Variants in SPAG16 observed in about 807,000 individuals in gnomAD.
SPAG16 encodes sperm-associated antigen 16 protein.
A neutral mutation model predicts 80.4 loss-of-function variants in SPAG16; 86 were observed. The ratio of observed to expected loss-of-function variants is 1.07; its 90% CI spans 0.90 to 1.28. The LOEUF (loss-of-function observed/expected upper bound fraction) is 1.28, where lower values mean the gene tolerates loss of function less well. Among genes scored for constraint, SPAG16 ranks in the 50% most tolerant of loss-of-function variants. The pLI is 0.00. For synonymous variants in SPAG16, 294 were observed against 265.9 expected, an observed-to-expected ratio of 1.11 and a Z score of -1.03; for missense variants, 870 against 765.3, an observed-to-expected ratio of 1.14 and a Z score of -1.61.
intron 15 of SPAG16, among the ~76,000 whole-genome samples, chr2:214,224,575 C>T (rs2058657331): frequency 3.3e-5 from 5 of 152,108 alleles, no homozygotes; most frequent in Admixed American, 3.3e-4. Flanking sequence ...GAAGGAGTTG[C>T]AGACTAAGGG....
Position 214,236,882 on chromosome 2 carries a change from ATGCAATTTTCCTTAGGAAAAC to A in SPAG16, c.1720+87621_1720+87641del, listed in dbSNP as rs574596191. Reference sequence around the variant, plus strand: ...GGCAAAGCTGAGAGTGACAGAGTTTATGCAATTTTCCTTAGGAAAACTGCATGATATCTATTTTGAATCCTC... The same window carrying A: ...GGCAAAGCTGAGAGTGACAGAGTTTATGCATGATATCTATTTTGAATCCTC... On this transcript the variant is annotated intron_variant, in intron 15 of 15. Coordinates refer to ENST00000331683, the MANE Select transcript of SPAG16 (RefSeq NM_024532.5). Among the ~76,000 whole-genome samples the A allele has an allele frequency of 2.3e-4, 35 of 152,300 alleles. 1 individual carries two copies. In the South Asian group the frequency reaches 3.5e-3, roughly 15 times the overall value.
intron 15 of SPAG16, among the ~76,000 whole-genome samples, chr2:214,178,070 T>A (rs1221365916): frequency 1.4e-5 from 2 of 144,022 alleles, no homozygotes; most frequent in African/African-American, 5.1e-5. Flanking sequence ...ATATATATTT[T>A]CAAATACATT....
intron 10 of SPAG16, among the ~76,000 whole-genome samples, chr2:213,749,476 T>C (rs2067985867): frequency 6.6e-6 from 1 of 152,156 alleles, no homozygotes; most frequent in South Asian, 2.1e-4. Flanking sequence ...AAGGGTGACG[T>C]GACAAGGGCA....
chr2:214,329,559 T>G (rs1355786859), intron 15 of SPAG16, among the ~76,000 whole-genome samples: 1 of 152,226 alleles, frequency 6.6e-6, no homozygotes, highest in Non-Finnish European at 1.5e-5. Context: ...TGCTCAGATT[T>G]GGATGGTGGG....
chr2:214,075,433 A>G (rs2051026139), intron 13 of SPAG16, among the ~76,000 whole-genome samples: 1 of 152,006 alleles, frequency 6.6e-6, no homozygotes, highest in Non-Finnish European at 1.5e-5. Context: ...TTATGGGGAG[A>G]TAGTTATTGA....
intron 12 of SPAG16, among the ~76,000 whole-genome samples, chr2:213,960,110 T>G (rs1296306228): frequency 6.6e-6 from 1 of 152,162 alleles, no homozygotes; most frequent in African/African-American, 2.4e-5. Context: ...TAATTTCCAA[T>G]ACCCTATCTT....
chr2:213,394,337 G>C (rs1292706118), intron 9 of SPAG16, among the ~76,000 whole-genome samples: 2 of 151,926 alleles, frequency 1.3e-5, no homozygotes, highest in South Asian at 2.1e-4. Flanking sequence ...AAATTTTACT[G>C]TGTTGTACTG....
chr2:213,604,266 A>G (rs1431714290), intron 10 of SPAG16, among the ~76,000 whole-genome samples: 1 of 152,160 alleles, frequency 6.6e-6, no homozygotes, highest in Admixed American at 6.5e-5. Context: ...CCATCTATTT[A>G]AATTGTCATT....
chr2:214,352,885 A>C (rs1698518218), intron 15 of SPAG16, among the ~76,000 whole-genome samples: 1 of 152,030 alleles, frequency 6.6e-6, no homozygotes, highest in South Asian at 2.1e-4. Context: ...ATTTTCTCCT[A>C]ACATTTACAG....
At chr2:213,771,108 G>A (rs1281044711) in intron 10 of SPAG16, among the ~76,000 whole-genome samples, 1 of 152,010 alleles carries the variant, frequency 6.6e-6, no homozygotes, top group African/African-American at 2.4e-5. Context: ...TTTCTCCACA[G>A]CTTCACCAGG....
At chr2:213,714,264 C>T (rs995694867) in intron 10 of SPAG16, among the ~76,000 whole-genome samples, 1 of 152,210 alleles carries the variant, frequency 6.6e-6, no homozygotes, top group Non-Finnish European at 1.5e-5. Context: ...GTGTACTCAA[C>T]TTTCTTTTGT....
chr2:214,310,685 G>T (rs1695235887), intron 15 of SPAG16, among the ~76,000 whole-genome samples: 2 of 152,306 alleles, frequency 1.3e-5, no homozygotes, highest in South Asian at 2.1e-4. Flanking sequence ...TCAGGAATAT[G>T]ATCCACTTCC....
chr2:214,192,380 A>T (rs1311782235), intron 15 of SPAG16, among the ~76,000 whole-genome samples: 1 of 152,070 alleles, frequency 6.6e-6, no homozygotes, highest in Non-Finnish European at 1.5e-5. Flanking sequence ...TTACCGAGTA[A>T]CTTTACAATC....
chr2:213,517,373 G>C (rs1348816063), intron 10 of SPAG16, among the ~76,000 whole-genome samples: 3 of 152,160 alleles, frequency 2.0e-5, no homozygotes, highest in Non-Finnish European at 1.5e-5. Flanking sequence ...TTGTTAAAAT[G>C]ACCATACTGC....
chr2:213,689,252 C>T (rs1445055827), intron 10 of SPAG16, among the ~76,000 whole-genome samples: 4 of 152,190 alleles, frequency 2.6e-5, no homozygotes, highest in South Asian at 2.1e-4. Flanking sequence ...GCCACTGCTC[C>T]TGGCCTTAAA....
At chr2:214,298,390 A>AAGG (rs1217398341) in intron 15 of SPAG16, among the ~76,000 whole-genome samples, 1 of 152,098 alleles carries the variant, frequency 6.6e-6, no homozygotes, top group Non-Finnish European at 1.5e-5. Context: ...GAACAGAGAT[A>AAGG]AGGAGGATGA....
chr2:213,778,312 A>C (rs1024481166), intron 10 of SPAG16, among the ~76,000 whole-genome samples: 1 of 152,100 alleles, frequency 6.6e-6, no homozygotes, highest in African/African-American at 2.4e-5. Flanking sequence ...CTTTTTTGAC[A>C]CTATTTTGAG....
intron 9 of SPAG16, among the ~76,000 whole-genome samples, chr2:213,443,185 T>C (rs141853118): frequency 1.1e-4 from 16 of 152,332 alleles, no homozygotes; most frequent in African/African-American, 2.4e-4. Flanking sequence ...GTACCTAATA[T>C]CTACTTTCTT....
chr2:213,491,228 T>G (rs2074220892), intron 10 of SPAG16, among the ~76,000 whole-genome samples: 2 of 152,234 alleles, frequency 1.3e-5, no homozygotes, highest in Non-Finnish European at 2.9e-5. Context: ...TGTACATTCA[T>G]ATGCTAGTCT....
Sources: gnomAD v4.1 joint callset for allele counts (sites outside exome capture counted in the v4.1 genomes callset) on GRCh38, gnomAD v4.1.1 for gene constraint, MANE v1.5 for transcripts, NCBI Gene and HGNC (gene_info 2026-07-23, HGNC 2026-07-21) for gene names.